The following CCER2 variants were observed in gnomAD, a reference collection of about 807,000 sequenced individuals.
CCER2 encodes the protein coiled-coil glutamate rich protein 2.
A neutral mutation model predicts 27.1 loss-of-function variants in CCER2; 20 were observed. That is an observed-to-expected ratio of 0.74 (90% confidence interval 0.52 to 1.07). The LOEUF (loss-of-function observed/expected upper bound fraction) is 1.07, where lower values mean the gene tolerates loss of function less well. CCER2 is among the 50% of genes least tolerant of loss of function. The pLI, the probability that CCER2 is intolerant of heterozygous loss-of-function variation, is 0.00. For missense variants in CCER2, 351 were observed against 344.7 expected (o/e 1.02, Z -0.14); for synonymous variants, 140 against 144.3 (o/e 0.97, Z 0.21).
chr19:38,910,856 T>TCTCCTC lies in CCER2; in HGVS notation c.412_417dup (p.Glu138_Glu139dup). 1 of 1,524,096 alleles carries TCTCCTC rather than the reference T, an allele frequency of 6.6e-7. No individual in the cohort carries two copies. Among genetic ancestry groups the TCTCCTC allele is most frequent in the Non-Finnish European group, 8.8e-7 (1 of 1,140,620 alleles). The allele number at this position is 1,524,096 out of a possible 1,614,324, so 94.4% of individuals were successfully genotyped here. A position where few individuals can be genotyped will look rare whatever the true frequency, so the allele number is the denominator to read the frequency against. On this transcript the variant is annotated inframe_insertion, in exon 4 of 5. Transcript: ENST00000571838. ...ATGGGCCCCCTCTTCCTCTCCTCCT[T>TCTCCTC]CTCCTCCTCCTCGTCCTCCTCCTGG...
rs1311907583 is a variant in CCER2, at chr19:38,909,302, C to T, written c.735G>A (p.Glu245=). 1.3e-6 allele frequency: 2 copies of T among 1,535,536 alleles called. No individual in the cohort carries two copies. The highest frequency in any genetic ancestry group is 1.7e-6 in the Non-Finnish European group (2 of 1,146,748). Residue 245 remains glutamate, a synonymous_variant, in exon 5 of 5, where the codon GAG becomes GAA. Coordinates refer to ENST00000571838, the MANE Select transcript of CCER2 (RefSeq NM_001243212.2). ...EREEKEVEQL[E]HLRDELKKVT... is the part of the protein sequence containing the mutation. Reference sequence around the variant, plus strand: ...CCTTCTTCAGTTCGTCTCTCAAGTGCTCCAGCTGCTCCACCTCCTTTTCCT... The same window carrying T: ...CCTTCTTCAGTTCGTCTCTCAAGTGTTCCAGCTGCTCCACCTCCTTTTCCT...
chr19:38,910,357 C>A (rs1221992368), intron 4 of CCER2, among the ~76,000 whole-genome samples: 2 of 152,174 alleles, frequency 1.3e-5, no homozygotes, highest in Non-Finnish European at 2.9e-5. Flanking sequence ...TTGCTGTAGT[C>A]CATACAGTAG....
In CCER2 at chr19:38,910,593, C is replaced by A. The variant is rs933299661; in HGVS notation, c.681G>T (p.Arg227Ser). The change falls in exon 4 of 5, where the codon AGG becomes AGT. Residue 227 changes from arginine (R) to serine (S), a missense_variant. Arg to Ser is a moderately radical substitution (Grantham distance 110, BLOSUM62 -1). Transcript: ENST00000571838. ...TCTCCGAAGCCTCCTCCTTCTCCTG[C>A]CTGGGCTCAGCCTCTGGCTGGTGGT... The part of the protein sequence containing the change: ...HHHHQPEAEP[R>S]QEKEEASERE... 8.0e-6 allele frequency: 12 copies of A among 1,503,154 alleles called. No individual in the cohort carries two copies. The highest frequency in any genetic ancestry group is 1.7e-4 in the Middle Eastern group (1 of 5,858). 93.1% of individuals were successfully genotyped at this position (1,503,154 alleles called of 1,614,324 possible). A position where few individuals can be genotyped will look rare whatever the true frequency, so the allele number is the denominator to read the frequency against.
At chr19:38,911,294 TC>T (rs1368135329) in intron 3 of CCER2, among the ~76,000 whole-genome samples, 1 of 151,820 alleles carries the variant, frequency 6.6e-6, no homozygotes, top group African/African-American at 2.4e-5. Context: ...AGGGGGAGGG[TC>T]CTATTTCATC....
Position 38,910,997 on chromosome 19 carries a change from TC to T in CCER2, c.276del (p.Lys93ArgfsTer2). The T allele has an allele frequency of 6.7e-7, 1 of 1,498,898 alleles. No individual in the cohort carries two copies. The highest frequency in any genetic ancestry group is 1.7e-4 in the Middle Eastern group (1 of 5,800). The allele number at this position is 1,498,898 out of a possible 1,614,324, so 92.8% of individuals were successfully genotyped here. On this transcript the variant is annotated frameshift_variant, in exon 4 of 5. Transcript: ENST00000571838. LOFTEE classifies it high-confidence loss of function. ...LLGDFKKQEA[G>X]KMRSSQEVRD... Reference sequence around the variant, plus strand: ...CTCACCTCCTGGCTGGACCTCATCTTCCCAGCCTCCTGCTTCTTGAAATCCC... The same window carrying T: ...CTCACCTCCTGGCTGGACCTCATCTTCCAGCCTCCTGCTTCTTGAAATCCC...
intron 4 of CCER2, 89 bp from the exon 5 acceptor site, chr19:38,909,414 T>A (rs74421103): frequency 1.6e-6 from 2 of 1,216,748 alleles, no homozygotes; most frequent in Non-Finnish European, 2.3e-6. Flanking sequence ...TCGGTTCTCA[T>A]AGTGGCATCC....
Position 38,909,179 on chromosome 19 carries a change from G to C in CCER2, c.*57C>G, listed in dbSNP as rs1322287041. On this transcript the variant is annotated 3_prime_UTR_variant, in exon 5 of 5. Transcript: ENST00000571838. ...GTGCTAGGTGAGGTGGAGGCTTCGG[G>C]GTCAACAGTCCTAAGCCACAGGGTG... 4.7e-6 allele frequency: 7 copies of C among 1,492,222 alleles called. No homozygotes were observed. The highest frequency in any genetic ancestry group is 5.4e-6 in the Non-Finnish European group (6 of 1,107,864). 92.4% of individuals were successfully genotyped at this position (1,492,222 alleles called of 1,614,324 possible). A position where few individuals can be genotyped will look rare whatever the true frequency, so the allele number is the denominator to read the frequency against.
Position 38,909,167 on chromosome 19 carries a change from T to C in CCER2, c.*69A>G, listed in dbSNP as rs1368519183. On this transcript the variant is annotated 3_prime_UTR_variant, in exon 5 of 5. Coordinates refer to ENST00000571838, the MANE Select transcript of CCER2 (RefSeq NM_001243212.2). ...GGGTGGCGTGGGGTGCTAGGTGAGGTGGAGGCTTCGGGGTCAACAGTCCTA... is the reference window on the plus strand; with the variant it reads ...GGGTGGCGTGGGGTGCTAGGTGAGGCGGAGGCTTCGGGGTCAACAGTCCTA... 6.9e-7 allele frequency: 1 copy of C among 1,459,304 alleles called. No homozygotes were observed. Among genetic ancestry groups the C allele is most frequent in the East Asian group, 2.5e-5 (1 of 40,360 alleles). The allele number at this position is 1,459,304 out of a possible 1,614,324, so 90.4% of individuals were successfully genotyped here.
Position 38,911,617 on chromosome 19 carries a change from G to GCACCTATGTGAC in CCER2, c.138_139insGTCACATAGGTG (p.Val46_Leu47insValThrTer), listed in dbSNP as rs767094568. 6.5e-7 allele frequency: 1 copy of GCACCTATGTGAC among 1,535,526 alleles called. No homozygotes were observed. Among genetic ancestry groups the GCACCTATGTGAC allele is most frequent in the South Asian group, 1.2e-5 (1 of 84,052 alleles). On this transcript the variant is annotated stop_gained and inframe_insertion, in exon 3 of 5. Coordinates refer to ENST00000571838, the MANE Select transcript of CCER2 (RefSeq NM_001243212.2). LOFTEE classifies it high-confidence loss of function. ...CCTCTCTGGACCTGGCCCACGGTCA[G>GCACCTATGTGAC]CACCTCTGTGACCACCTCTGCCAGA...
At position 38,911,806 on chromosome 19, in the gene CCER2, C is replaced by T. The variant is rs1274799831; in HGVS notation, c.102+6G>A. ...TGAGGCAGGGCAAGGCCTCCACACT[C>T]CTCACCTCCTCCTTGGAGGGTCTCG... On this transcript the variant is annotated splice_donor_region_variant and intron_variant, in intron 2 of 4. Coordinates refer to ENST00000571838, the MANE Select transcript of CCER2 (RefSeq NM_001243212.2). 25 of 1,535,058 alleles carry T rather than the reference C, an allele frequency of 1.6e-5. No homozygotes were observed. Among genetic ancestry groups the T allele is most frequent in the Middle Eastern group, 1.7e-4 (1 of 5,996 alleles).
rs781187145 is a variant in CCER2, at chr19:38,910,944, C to T, written c.330G>A (p.Glu110=). Residue 110 remains glutamate (E), a synonymous_variant, in exon 4 of 5, where the codon GAG becomes GAA. Transcript: ENST00000571838. ...VRDEEEEEVA[E]RTHKSEVQEQ... ...CCTGGACCTCAGACTTGTGGGTCCT[C>T]TCTGCTACCTCCTCCTCTTCCTCAT... The T allele has an allele frequency of 4.6e-6, 7 of 1,520,808 alleles. No homozygotes were observed. In the South Asian group the frequency reaches 8.6e-5, roughly 19 times the overall value. 94.2% of individuals were successfully genotyped at this position (1,520,808 alleles called of 1,614,324 possible).
chr19:38,911,822 G>T lies in CCER2; in HGVS notation c.92C>A (p.Ser31Tyr), dbSNP rs910055815. The change falls in exon 2 of 5, where the codon TCC (serine) becomes TAC (tyrosine). Residue 31 changes from serine (S) to tyrosine (Y), a missense_variant. Physicochemically the swap from Ser to Tyr is moderately radical, Grantham distance 144. Coordinates refer to ENST00000571838, the MANE Select transcript of CCER2 (RefSeq NM_001243212.2). ...ATAAPLAPRP[S>Y]KEELTRCLAE... The stretch of plus-strand genomic sequence containing the variant: ...CTCCACACTCCTCACCTCCTCCTTG[G>T]AGGGTCTCGGTGCCAAGGGAGCAGC... 2.0e-6 allele frequency: 3 copies of T among 1,535,218 alleles called. No homozygotes were observed. The highest frequency in any genetic ancestry group is 1.7e-6 in the Non-Finnish European group (2 of 1,146,680).
In CCER2 at chr19:38,911,033, G is replaced by A. The variant is rs1188727937; in HGVS notation, c.241C>T (p.Leu81=). 6.8e-7 allele frequency: 1 copy of A among 1,474,030 alleles called. No individual in the cohort carries two copies. Among genetic ancestry groups the A allele is most frequent in the Non-Finnish European group, 8.9e-7 (1 of 1,120,210 alleles). The allele number at this position is 1,474,030 out of a possible 1,614,324, so 91.3% of individuals were successfully genotyped here. A position where few individuals can be genotyped will look rare whatever the true frequency, so the allele number is the denominator to read the frequency against. ...HGCASTEEKG[L]LLGDFKKQEA... is the part of the protein sequence containing the mutation. ...TGCTTCTTGAAATCCCCAAGCAGCA[G>A]GCCTTTCTCCTCGGTGGACGCACAG... The change falls in exon 4 of 5, where the codon CTG becomes TTG. Residue 81 remains leucine (L), a synonymous_variant. Coordinates refer to ENST00000571838, the MANE Select transcript of CCER2 (RefSeq NM_001243212.2).
chr19:38,909,892 T>A (rs1157689292), intron 4 of CCER2, among the ~76,000 whole-genome samples: 20 of 129,556 alleles, frequency 1.5e-4, no homozygotes, highest in African/African-American at 4.6e-4. Flanking sequence ...TTTTTTTTTT[T>A]AAGATGGTTT....
At chr19:38,909,873 CAT>C (rs1491173035) in intron 4 of CCER2, among the ~76,000 whole-genome samples, 2 of 109,940 alleles carry the variant, frequency 1.8e-5, no homozygotes, top group African/African-American at 3.4e-5. Flanking sequence ...CATGCCCAGC[CAT>C]TTTTTTTTTT....
chr19:38,911,195 C>G (rs1190345151), intron 3 of CCER2, 112 bp from the exon 4 acceptor site: 1 of 1,142,654 alleles, frequency 8.8e-7, no homozygotes, highest in Non-Finnish European at 1.2e-6. Flanking sequence ...CGGCCGATCA[C>G]CTGAGGTCAG....
intron 2 of CCER2, 53 bp from the exon 3 acceptor site, chr19:38,911,706 G>A: frequency 6.5e-7 from 1 of 1,526,962 alleles, no homozygotes; most frequent in Admixed American, 2.0e-5. Context: ...GGGGAGATGG[G>A]GAGGAGAGCA....
In CCER2 at chr19:38,909,053, C is replaced by A; in HGVS notation, c.*183G>T. The A allele has an allele frequency of 1.1e-6, 1 of 934,994 alleles. No individual in the cohort carries two copies. The highest frequency in any genetic ancestry group is 1.6e-6 in the Non-Finnish European group (1 of 638,720). 57.9% of individuals were successfully genotyped at this position (934,994 alleles called of 1,614,324 possible). A position where few individuals can be genotyped will look rare whatever the true frequency, so the allele number is the denominator to read the frequency against. On this transcript the variant is annotated 3_prime_UTR_variant, in exon 5 of 5. Coordinates refer to ENST00000571838, the MANE Select transcript of CCER2 (RefSeq NM_001243212.2). ...ATAGGTGTGGGGGTGCTTCCTGTGT[C>A]AGGGCTGAGCCCAGCCCCCGGCCCA...
intron 3 of CCER2, 70 bp from the exon 4 acceptor site, chr19:38,911,153 G>A (rs997102913): frequency 8.6e-5 from 118 of 1,370,958 alleles, no homozygotes; most frequent in African/African-American, 2.8e-4. Context: ...GGAGGCTCAC[G>A]CCTGTAATCT....
Sources: gnomAD v4.1 joint callset for allele counts (sites outside exome capture counted in the v4.1 genomes callset) on GRCh38, gnomAD v4.1.1 for gene constraint, MANE v1.5 for transcripts, NCBI Gene and HGNC (gene_info 2026-07-23, HGNC 2026-07-21) for gene names.